Variants in EXOG observed in about 807,000 individuals in gnomAD.
EXOG encodes the protein nuclease EXOG, mitochondrial.
A neutral mutation model predicts 25.8 loss-of-function variants in EXOG; 27 were observed. That is an observed-to-expected ratio of 1.05 (90% CI 0.77 to 1.45). The LOEUF is 1.45. Among genes scored for constraint, EXOG ranks in the 40% most tolerant of loss-of-function variants. The pLI, the probability that EXOG is intolerant of heterozygous loss-of-function variation, is 0.00. For missense variants in EXOG, 458 were observed against 450.5 expected (o/e 1.02, Z -0.15); for synonymous variants, 133 against 167.0 (o/e 0.80, Z 1.57).
rs1360293530 is a variant in EXOG at position 38,524,168 on chromosome 3, C to G, written c.913C>G (p.Gln305Glu). 6.2e-7 allele frequency: 1 copy of G among 1,614,146 alleles called. No homozygotes were observed. The highest frequency in any genetic ancestry group is 8.5e-7 in the Non-Finnish European group (1 of 1,180,020). The change falls in exon 6 of 6, where the codon CAG (glutamine) becomes GAG (glutamate). Residue 305 changes from glutamine (Q) to glutamate (E), a missense_variant. Coordinates refer to ENST00000287675, the MANE Select transcript of EXOG (RefSeq NM_005107.4). ...SVDTCKLLDF[Q>E]EFTLYLSTRK... The stretch of plus-strand genomic sequence containing the variant: ...GGACACCTGTAAGCTCCTGGATTTC[C>G]AGGAGTTCACCTTGTACTTGAGTAC...
chr3:38,507,386 A>C (rs148815812), intron 5 of EXOG, among the ~76,000 whole-genome samples: 1 of 152,338 alleles, frequency 6.6e-6, no homozygotes, highest in East Asian at 1.9e-4. Context: ...AGGATTCCAG[A>C]GGATGGAGCA....
Position 38,524,819 on chromosome 3 carries a change from C to T in EXOG, c.*457C>T. 1 of 988,260 alleles carries T rather than the reference C, an allele frequency of 1.0e-6. No homozygotes were observed. Among genetic ancestry groups the T allele is most frequent in the Non-Finnish European group, 1.2e-6 (1 of 831,998 alleles). 61.2% of individuals were successfully genotyped at this position (988,260 alleles called of 1,614,324 possible). A position where few individuals can be genotyped will look rare whatever the true frequency, so the allele number is the denominator to read the frequency against. On this transcript the variant is annotated 3_prime_UTR_variant, in exon 6 of 6. Coordinates refer to ENST00000287675, the MANE Select transcript of EXOG (RefSeq NM_005107.4). ...GGAAGACTGCCCACAGATGACACTG[C>T]ATTTGTATCCCTGTGGATGTAGAGT...
Position 38,525,448 on chromosome 3 carries a change from TGTTCTTTGAATTGAACCCTCCTTA to T in EXOG, c.*1088_*1111del, listed in dbSNP as rs1389296204. On this transcript the variant is annotated 3_prime_UTR_variant, in exon 6 of 6. Transcript: ENST00000287675. ...GCTATGCAAGCCAAAGGGACTTTAA[TGTTCTTTGAATTGAACCCTCCTTA>T]GCTCTGTGGAAAGAGACAGTCAGGA... 3.0e-6 allele frequency: 3 copies of T among 985,278 alleles called. No homozygotes were observed. The African/African-American group carries it at 5.2e-5, about 17-fold the overall frequency. The allele number at this position is 985,278 out of a possible 1,614,324, so 61.0% of individuals were successfully genotyped here. A position where few individuals can be genotyped will look rare whatever the true frequency, so the allele number is the denominator to read the frequency against.
At chr3:38,498,959 T>A in intron 2 of EXOG, 1 of 456,746 alleles carries the variant, frequency 2.2e-6, no homozygotes, top group South Asian at 1.5e-5. Context: ...CTAGCATCAT[T>A]GTTTCTTCTC....
At chr3:38,517,019 G>A (rs1264230895) in intron 5 of EXOG, among the ~76,000 whole-genome samples, 1 of 152,162 alleles carries the variant, frequency 6.6e-6, no homozygotes, top group African/African-American at 2.4e-5. Flanking sequence ...TGTCTACCAG[G>A]TTTTTTCACC....
In EXOG at chr3:38,511,346, T is replaced by C. The variant is rs2060364421; in HGVS notation, c.645+4378T>C. Reference sequence around the variant, plus strand: ...CAGTCTATCTGGAGTACAGAAACCATGACAGAGAAAGTATACGTTGTTACT... The same window carrying C: ...CAGTCTATCTGGAGTACAGAAACCACGACAGAGAAAGTATACGTTGTTACT... On this transcript the variant is annotated intron_variant, in intron 5 of 5. Transcript: ENST00000287675. Among the ~76,000 whole-genome samples, 4 of 152,242 alleles carry C rather than the reference T, an allele frequency of 2.6e-5. No homozygotes were observed. The South Asian group carries it at 8.3e-4, about 32-fold the overall frequency.
chr3:38,514,943 T>C (rs2060492341), intron 5 of EXOG, among the ~76,000 whole-genome samples: 1 of 152,036 alleles, frequency 6.6e-6, no homozygotes, highest in African/African-American at 2.4e-5. Context: ...GCTAATTTTT[T>C]ATATTTTTAG....
At chr3:38,520,969 A>C (rs1289854165) in intron 5 of EXOG, among the ~76,000 whole-genome samples, 1 of 152,230 alleles carries the variant, frequency 6.6e-6, no homozygotes, top group East Asian at 1.9e-4. Flanking sequence ...AAAAGTAGGA[A>C]AAATTTATTA....
intron 5 of EXOG, among the ~76,000 whole-genome samples, chr3:38,510,249 CT>C (rs902406450): frequency 1.3e-5 from 2 of 152,134 alleles, no homozygotes; most frequent in African/African-American, 4.8e-5. Flanking sequence ...GAGAAACTAT[CT>C]GTTCCAGATT....
intron 5 of EXOG, among the ~76,000 whole-genome samples, chr3:38,514,264 T>TAGAA (rs2060464425): frequency 6.6e-6 from 1 of 152,206 alleles, no homozygotes; most frequent in Admixed American, 6.5e-5. Flanking sequence ...GTGTGGAACC[T>TAGAA]GGAAGGCCAG....
At chr3:38,505,438 G>A (rs2060174140) in intron 4 of EXOG, 1 of 151,282 alleles carries the variant, frequency 6.6e-6, no homozygotes, top group African/African-American at 2.4e-5. Flanking sequence ...CTTGTAATTG[G>A]ACATATATAT....
rs750909137 is a variant in EXOG, at chr3:38,496,411, GT to G, written c.48del (p.Leu17Ter). The G allele has an allele frequency of 1.9e-6, 3 of 1,614,068 alleles. No individual in the cohort carries two copies. Among genetic ancestry groups the G allele is most frequent in the Non-Finnish European group, 2.5e-6 (3 of 1,179,968 alleles). ...GCTTCCCGCCTCCGGGGTTCCCGTC[GT>G]TTTCTGAGCGGCTTCGTGGCTGGGG... ...SIASRLRGSRRFLSGFVAGAV... is the reference protein window; with the variant it reads ...SIASRLRGSRXFLSGFVAGAV... On this transcript the variant is annotated frameshift_variant, in exon 1 of 6. Transcript: ENST00000287675. LOFTEE classifies it high-confidence loss of function.
chr3:38,513,556 A>ACGGAATATGTTTT (rs1553685825), intron 5 of EXOG, among the ~76,000 whole-genome samples: 7 of 151,918 alleles, frequency 4.6e-5, no homozygotes, highest in Admixed American at 2.6e-4. Flanking sequence ...CTTTTTAAAA[A>ACGGAATATGTTTT]TACTTTCTAA....
intron 4 of EXOG, among the ~76,000 whole-genome samples, 181 bp downstream of exon 4, chr3:38,503,872 T>A (rs2060120942): frequency 6.6e-6 from 1 of 152,194 alleles, no homozygotes; most frequent in South Asian, 2.1e-4. Context: ...CTACAGAAGA[T>A]CAGACTTCAA....
intron 5 of EXOG, among the ~76,000 whole-genome samples, chr3:38,516,721 T>C (rs2060556205): frequency 6.6e-6 from 1 of 152,178 alleles, no homozygotes; most frequent in Non-Finnish European, 1.5e-5. Context: ...CCAACCAGGA[T>C]TGAGCATTGC....
chr3:38,520,518 A>G (rs1469915807), intron 5 of EXOG, among the ~76,000 whole-genome samples: 2 of 152,174 alleles, frequency 1.3e-5, no homozygotes, highest in African/African-American at 4.8e-5. Flanking sequence ...TTTGTTACAG[A>G]CATCATTTGT....
chr3:38,498,570 TG>T (rs1206697446), intron 2 of EXOG, among the ~76,000 whole-genome samples: 1 of 147,510 alleles, frequency 6.8e-6, no homozygotes, highest in Non-Finnish European at 1.5e-5. Flanking sequence ...AAAAAAAAAG[TG>T]TGATGAGAGA....
intron 5 of EXOG, chr3:38,523,194 C>A: frequency 7.8e-7 from 1 of 1,288,504 alleles, no homozygotes; most frequent in South Asian, 1.2e-5. Context: ...CCCAAGCCTG[C>A]AGTTTTGACC....
Position 38,523,940 on chromosome 3 carries a change from T to A in EXOG, c.685T>A (p.Tyr229Asn). 12 of 1,591,646 alleles carry A rather than the reference T, an allele frequency of 7.5e-6. No homozygotes were observed. Among genetic ancestry groups the A allele is most frequent in the Non-Finnish European group, 1.0e-5 (12 of 1,168,776 alleles). Reference protein sequence around the residue: ...EDNVAVPSHLYKVILARRSSV... With the variant: ...EDNVAVPSHLNKVILARRSSV... ...CAACGTGGCAGTCCCCTCACACCTTTATAAGGTAATCCTGGCCCGCAGAAG... is the reference window on the plus strand; with the variant it reads ...CAACGTGGCAGTCCCCTCACACCTTAATAAGGTAATCCTGGCCCGCAGAAG... The change falls in exon 6 of 6, where the codon TAT (tyrosine) becomes AAT (asparagine). Residue 229 changes from tyrosine to asparagine, a missense_variant. By Grantham distance (143) the Tyr-to-Asn change is moderately radical (BLOSUM62 -2). This residue lies in a region of EXOG where 178 missense variants were observed against 203.7 expected (regional missense o/e 0.87). Transcript: ENST00000287675.
Sources: allele counts gnomAD v4.1 joint callset (sites outside exome capture counted in the v4.1 genomes callset), GRCh38; gene constraint gnomAD v4.1.1; regional missense constraint gnomAD v4.1.1; transcripts MANE v1.5; gene names NCBI Gene and HGNC (gene_info 2026-07-23, HGNC 2026-07-21).